Variants in NRXN3 observed in about 807,000 individuals in gnomAD.
NRXN3 encodes neurexin III.
NRXN3 carries 32 observed loss-of-function variants against 137.6 expected under a neutral mutation model. The observed-to-expected ratio is 0.23, with a 90% CI of 0.18 to 0.31. NRXN3 has a LOEUF of 0.31. NRXN3 is among the 10% of genes least tolerant of loss of function. The pLI is 1.00. For missense variants in NRXN3, 1,574 were observed against 2,062.5 expected (o/e 0.76, Z 4.59); for synonymous variants, 798 against 784.5 (o/e 1.02, Z -0.29).
chr14:78,920,967 G>A (rs2099269382), intron 10 of NRXN3, among the ~76,000 whole-genome samples: 1 of 152,114 alleles, frequency 6.6e-6, no homozygotes, highest in South Asian at 2.1e-4. Flanking sequence ...ATTCATTAAG[G>A]TAGACATGAT....
chr14:78,529,476 G>A (rs577238013), intron 4 of NRXN3, among the ~76,000 whole-genome samples: 51 of 152,146 alleles, frequency 3.4e-4, no homozygotes, highest in African/African-American at 8.9e-4. Context: ...TCTGGGTCTC[G>A]GACACCCTTT....
chr14:78,771,930 TG>T (rs1253346524), intron 8 of NRXN3, among the ~76,000 whole-genome samples: 2 of 152,220 alleles, frequency 1.3e-5, no homozygotes, highest in African/African-American at 4.8e-5. Context: ...TTTTTGGGTC[TG>T]GGGATATTTA....
intron 15 of NRXN3, among the ~76,000 whole-genome samples, chr14:79,251,903 T>C (rs2075985272): frequency 6.6e-6 from 1 of 151,822 alleles, no homozygotes; most frequent in African/African-American, 2.4e-5. Flanking sequence ...ACTGCAGCCT[T>C]GATCTCCTGA....
At chr14:78,647,145 C>A (rs2097695969) in intron 5 of NRXN3, among the ~76,000 whole-genome samples, 1 of 152,200 alleles carries the variant, frequency 6.6e-6, no homozygotes, top group Non-Finnish European at 1.5e-5. Context: ...ACTTTTGTTT[C>A]TACTAAAAAC....
Position 78,409,246 on chromosome 14 carries a change from A to T in NRXN3, c.757+111386A>T, listed in dbSNP as rs550627500. Among the ~76,000 whole-genome samples the T allele has an allele frequency of 7.2e-5, 11 of 152,340 alleles. No homozygotes were observed. In the South Asian group the frequency reaches 2.1e-3, roughly 29 times the overall value. On this transcript the variant is annotated intron_variant, in intron 4 of 20. Coordinates refer to ENST00000335750, the MANE Select transcript of NRXN3 (RefSeq NM_001330195.2). Reference sequence around the variant, plus strand: ...AGATGGTGGTTTCTATATGCTAGGTACCATTCTATGTGCTTTATGTGCTGA... The same window carrying T: ...AGATGGTGGTTTCTATATGCTAGGTTCCATTCTATGTGCTTTATGTGCTGA...
chr14:78,389,454 A>G (rs1193474794), intron 4 of NRXN3, among the ~76,000 whole-genome samples: 1 of 152,212 alleles, frequency 6.6e-6, no homozygotes, highest in Non-Finnish European at 1.5e-5. Context: ...GCCTGTCTCA[A>G]TAAGCCTTCA....
At chr14:79,545,399 A>G (rs948169114) in intron 16 of NRXN3, among the ~76,000 whole-genome samples, 21 of 152,108 alleles carry the variant, frequency 1.4e-4, no homozygotes, top group Non-Finnish European at 2.9e-4. Flanking sequence ...TTAAAAATGA[A>G]CAATGTTAGG....
chr14:78,306,919 A>T (rs773012936), intron 4 of NRXN3, among the ~76,000 whole-genome samples: 14 of 152,192 alleles, frequency 9.2e-5, no homozygotes, highest in Non-Finnish European at 1.6e-4. Context: ...TTTCAGATGT[A>T]ACAACCACCT....
chr14:78,573,926 A>C (rs1038834838), intron 4 of NRXN3, among the ~76,000 whole-genome samples: 1 of 152,224 alleles, frequency 6.6e-6, no homozygotes, highest in African/African-American at 2.4e-5. Context: ...ACAGGACTAG[A>C]GGCCAAGGAG....
At chr14:79,828,082 C>T (rs1022141191) in intron 20 of NRXN3, among the ~76,000 whole-genome samples, 14 of 152,150 alleles carry the variant, frequency 9.2e-5, no homozygotes, top group African/African-American at 3.4e-4. Flanking sequence ...CAAACACCTC[C>T]CACCAGGCCC....
chr14:79,157,638 C>T (rs961771786), intron 15 of NRXN3, among the ~76,000 whole-genome samples: 5 of 151,822 alleles, frequency 3.3e-5, no homozygotes, highest in Non-Finnish European at 7.4e-5. Context: ...GAAAGAAACA[C>T]TCCTGAAACC....
At chr14:79,270,450 T>C (rs773168498) in intron 15 of NRXN3, among the ~76,000 whole-genome samples, 4 of 152,186 alleles carry the variant, frequency 2.6e-5, no homozygotes, top group Non-Finnish European at 5.9e-5. Context: ...TCATTTTGCC[T>C]GTGAGAAAAA....
At chr14:79,782,349 C>A (rs905358414) in intron 19 of NRXN3, among the ~76,000 whole-genome samples, 1 of 152,120 alleles carries the variant, frequency 6.6e-6, no homozygotes, top group Admixed American at 6.5e-5. Flanking sequence ...GTCAAGGGAC[C>A]TGAGCTTGGT....
chr14:79,232,826 A>T, intron 15 of NRXN3, among the ~76,000 whole-genome samples: 1 of 152,192 alleles, frequency 6.6e-6, no homozygotes, highest in East Asian at 1.9e-4. Context: ...ACTTTCTTCT[A>T]TGTAAAGTTT....
intron 19 of NRXN3, among the ~76,000 whole-genome samples, chr14:79,721,021 G>A (rs1333727011): frequency 6.6e-6 from 1 of 152,132 alleles, no homozygotes; most frequent in Non-Finnish European, 1.5e-5. Flanking sequence ...GCTATAAAAT[G>A]CAGTATTTAT....
intron 15 of NRXN3, among the ~76,000 whole-genome samples, chr14:79,314,703 C>G (rs577622300): frequency 1.4e-5 from 2 of 144,042 alleles, no homozygotes; most frequent in South Asian, 2.4e-4. Flanking sequence ...TCTCCCAGCA[C>G]GCAGCTGGAG....
rs58655234 is a variant in NRXN3 at position 79,289,436 on chromosome 14, G to A, written c.3263-177785G>A. Among the ~76,000 whole-genome samples, 154 of 152,068 alleles carry A rather than the reference G, an allele frequency of 1.0e-3. 1 individual carries two copies. Among genetic ancestry groups the A allele is most frequent in the African/African-American group, 3.6e-3 (148 of 41,498 alleles). On this transcript the variant is annotated intron_variant, in intron 15 of 20. Transcript: ENST00000335750. ...GGAGTTTGAGACCAGCCTGGCCAAC[G>A]TGGTGAAACCCCATCTCTACTAAAA...
intron 10 of NRXN3, among the ~76,000 whole-genome samples, chr14:78,815,479 C>CTTTTTTTTTTGTTTTTTT (rs2098929370): frequency 1.2e-5 from 1 of 84,436 alleles, no homozygotes; most frequent in Non-Finnish European, 2.2e-5. Flanking sequence ...TTGTTTCTTT[C>CTTTTTTTTTTGTTTTTTT]TTTTTTTTTT....
intron 8 of NRXN3, 42 bp downstream of exon 8, chr14:78,715,181 G>A (rs1454253367): frequency 6.3e-7 from 1 of 1,580,358 alleles, no homozygotes; most frequent in South Asian, 1.1e-5. Flanking sequence ...CCTGAGTGGG[G>A]CTGATGTGTT....
Sources: gnomAD v4.1 joint callset for allele counts (sites outside exome capture counted in the v4.1 genomes callset) on GRCh38, gnomAD v4.1.1 for gene constraint, MANE v1.5 for transcripts, NCBI Gene and HGNC (gene_info 2026-07-23, HGNC 2026-07-21) for gene names.